The following UBE3B variants were observed in gnomAD, a reference collection of about 807,000 sequenced individuals.
UBE3B encodes the protein ubiquitin protein ligase E3B, also known as ubiquitin-protein ligase E3B.
UBE3B carries 80 observed loss-of-function variants against 132.3 expected under a neutral mutation model. That is an observed-to-expected ratio of 0.60 (90% CI 0.50 to 0.73). The LOEUF (loss-of-function observed/expected upper bound fraction) is 0.73, where lower values mean the gene tolerates loss of function less well. UBE3B is among the 30% of genes least tolerant of loss of function. The pLI is 0.00. For synonymous variants in UBE3B, 487 were observed against 520.4 expected (o/e 0.94, Z 0.87); for missense variants, 1,196 against 1,362.5 (o/e 0.88, Z 1.92).
chr12:109,507,468 A>T (rs745325113), intron 14 of UBE3B, 96 bp from the exon 15 acceptor site: 4 of 1,320,642 alleles, frequency 3.0e-6, no homozygotes, highest in Non-Finnish European at 4.2e-6. Flanking sequence ...ATGTTCATGG[A>T]TAGGTTTAAG....
chr12:109,515,744 T>C (rs1880959190), intron 18 of UBE3B, among the ~76,000 whole-genome samples: 1 of 152,160 alleles, frequency 6.6e-6, no homozygotes, highest in South Asian at 2.1e-4. Context: ...ACAGCTGTGG[T>C]TAGATTTATG....
intron 13 of UBE3B, among the ~76,000 whole-genome samples, chr12:109,501,744 G>A (rs1879022617): frequency 6.6e-6 from 1 of 152,142 alleles, no homozygotes; most frequent in Non-Finnish European, 1.5e-5. Flanking sequence ...CTAACTCCTA[G>A]GCTCAGGTGA....
chr12:109,517,875 C>T (rs1347254068), intron 19 of UBE3B: 1 of 405,820 alleles, frequency 2.5e-6, no homozygotes, highest in Non-Finnish European at 5.1e-6. Flanking sequence ...TCATTTTCTC[C>T]CTCGGTGCAT....
intron 1 of UBE3B, among the ~76,000 whole-genome samples, chr12:109,481,313 CAAA>C (rs34653918): frequency 8.2e-6 from 1 of 122,178 alleles, no homozygotes. Flanking sequence ...GAGACTATCT[CAAA>C]AAAAAAAAAA....
chr12:109,480,234 A>G (rs1401895820), intron 1 of UBE3B, among the ~76,000 whole-genome samples: 1 of 151,568 alleles, frequency 6.6e-6, no homozygotes, highest in Non-Finnish European at 1.5e-5. Flanking sequence ...ATAATACACC[A>G]GTTAGACTTC....
chr12:109,546,872 G>C, the UBE3B span, among the ~76,000 whole-genome samples: 2 of 152,066 alleles, frequency 1.3e-5, no homozygotes, highest in African/African-American at 4.8e-5. Flanking sequence ...ACCACACCTG[G>C]CTAATTTTTG....
intron 10 of UBE3B, 95 bp from the exon 11 acceptor site, chr12:109,498,138 C>T: frequency 6.5e-7 from 1 of 1,547,192 alleles, no homozygotes; most frequent in Non-Finnish European, 8.8e-7. Flanking sequence ...AGCACATCCT[C>T]CATAACCACG....
At position 109,534,525 on chromosome 12, in the gene UBE3B, C is replaced by T. The variant is rs878874418; in HGVS notation, c.3016-66C>T. The T allele has an allele frequency of 2.4e-5, 37 of 1,539,064 alleles. No individual in the cohort carries two copies. Among genetic ancestry groups the T allele is most frequent in the Admixed American group, 2.0e-4 (10 of 50,556 alleles). On this transcript the variant is annotated intron_variant, in intron 27 of 27. Coordinates refer to ENST00000342494, the MANE Select transcript of UBE3B (RefSeq NM_130466.4). The surrounding 1 kb of genome is among the most constrained non-coding windows in gnomAD (Gnocchi z 5.2). ...AGATCCCCTCCCTGGGCTCCCTGGC[C>T]TTGGCATCAGCCTGGGCTCCCAAAC...
At position 109,521,993 on chromosome 12, in the gene UBE3B, T is replaced by C. The variant is rs1470763852; in HGVS notation, c.2364+442T>C. ...GAGGGCAGCATTTTGTGGAGTTTGATAGTTTTAAAATCTTGTGTTGTTTGA... is the reference window on the plus strand; with the variant it reads ...GAGGGCAGCATTTTGTGGAGTTTGACAGTTTTAAAATCTTGTGTTGTTTGA... On this transcript the variant is annotated intron_variant, in intron 21 of 27. Coordinates refer to ENST00000342494, the MANE Select transcript of UBE3B (RefSeq NM_130466.4). The surrounding 1 kb of genome is among the most constrained non-coding windows in gnomAD (Gnocchi z 4.2). 6.6e-6 allele frequency among the ~76,000 whole-genome samples: 1 copy of C among 152,216 alleles called. No individual in the cohort carries two copies. Among genetic ancestry groups the C allele is most frequent in the East Asian group, 1.9e-4 (1 of 5,196 alleles).
chr12:109,485,401 C>T (rs1441350967), intron 4 of UBE3B, among the ~76,000 whole-genome samples: 1 of 152,180 alleles, frequency 6.6e-6, no homozygotes, highest in African/African-American at 2.4e-5. Context: ...CACATGATTA[C>T]GTAGATGAGG....
intron 27 of UBE3B, chr12:109,533,866 C>T (rs1272139009): frequency 1.6e-6 from 2 of 1,282,044 alleles, no homozygotes; most frequent in Non-Finnish European, 2.1e-6. Context: ...GGCTCCAGAT[C>T]TGAGGCAGCA....
chr12:109,498,123 T>C (rs1407145362), intron 10 of UBE3B, 110 bp from the exon 11 acceptor site: 1 of 1,499,588 alleles, frequency 6.7e-7, no homozygotes, highest in African/African-American at 1.4e-5. Context: ...TTCTTGGTGT[T>C]TGCTAGCACA....
Position 109,488,491 on chromosome 12 carries a change from T to C in UBE3B, c.448-81T>C, listed in dbSNP as rs57284418. 8,162 of 1,265,012 alleles carry C rather than the reference T, an allele frequency of 6.5e-3. 384 individuals are homozygous for C. The Admixed American group carries it at 0.079, about 12-fold the overall frequency. 78.4% of individuals were successfully genotyped at this position (1,265,012 alleles called of 1,614,324 possible). ...TCAGTGATTCCAGGCTGAGTGCCCA[T>C]AGAGCAGTTGTAAAGTGAACACTTC... On this transcript the variant is annotated intron_variant, in intron 6 of 27. Transcript: ENST00000342494.
At chr12:109,523,325 A>G (rs1159882313) in intron 21 of UBE3B, among the ~76,000 whole-genome samples, 1 of 152,024 alleles carries the variant, frequency 6.6e-6, no homozygotes, top group East Asian at 1.9e-4. Context: ...CCCATTCCCC[A>G]CATAAAAGTG....
Position 109,491,130 on chromosome 12 carries a change from G to A in UBE3B, c.713+3G>A, listed in dbSNP as rs1442466487. 1 of 1,613,684 alleles carries A rather than the reference G, an allele frequency of 6.2e-7. No individual in the cohort carries two copies. The highest frequency in any genetic ancestry group is 1.3e-5 in the African/African-American group (1 of 75,014). On this transcript the variant is annotated splice_donor_region_variant and intron_variant, in intron 9 of 27. Coordinates refer to ENST00000342494, the MANE Select transcript of UBE3B (RefSeq NM_130466.4). ...GCAGCTTTTTCTCTAGCGTTACGGT[G>A]AGTAAGAAACCATAGCTGAGGTGTT...
At position 109,524,512 on chromosome 12, in the gene UBE3B, G is replaced by A. The variant is rs370136647; in HGVS notation, c.2568+9G>A. ...AGGACGTCATGGGTCAGGTAGGTCC[G>A]CCCTTTGGCTGAGCTCCCTTTCCAC... On this transcript the variant is annotated intron_variant, in intron 23 of 27. Transcript: ENST00000342494. 39 of 1,613,602 alleles carry A rather than the reference G, an allele frequency of 2.4e-5. No individual in the cohort carries two copies. Among genetic ancestry groups the A allele is most frequent in the African/African-American group, 2.0e-4 (15 of 75,046 alleles).
intron 11 of UBE3B, among the ~76,000 whole-genome samples, chr12:109,499,253 T>C (rs1367027221): frequency 6.6e-6 from 1 of 152,208 alleles, no homozygotes; most frequent in Non-Finnish European, 1.5e-5. Flanking sequence ...CCCTTGATTT[T>C]TAAGCATTAA....
rs147097299 is a variant in UBE3B, at chr12:109,536,024, C to G, written c.*1242C>G. On this transcript the variant is annotated 3_prime_UTR_variant, in exon 28 of 28. Transcript: ENST00000342494. ...ATTCGAAGCCAGGAAGGCCCAGTCC[C>G]TCCTCTGCTCTCCTCAAAGACGCAA... 6.6e-6 allele frequency: 1 copy of G among 152,232 alleles called. No individual in the cohort carries two copies. Among genetic ancestry groups the G allele is most frequent in the African/African-American group, 2.4e-5 (1 of 41,418 alleles). 9.4% of individuals were successfully genotyped at this position (152,232 alleles called of 1,614,324 possible). A position where few individuals can be genotyped will look rare whatever the true frequency, so the allele number is the denominator to read the frequency against.
chr12:109,523,037 G>A (rs1278467584), intron 21 of UBE3B, among the ~76,000 whole-genome samples: 1 of 152,150 alleles, frequency 6.6e-6, no homozygotes, highest in African/African-American at 2.4e-5. Context: ...TCGCCTCTGT[G>A]TCCTTTCCCT....
Sources: allele counts gnomAD v4.1 joint callset (sites outside exome capture counted in the v4.1 genomes callset), GRCh38; gene constraint gnomAD v4.1.1; non-coding constraint Gnocchi (gnomAD v3.1); transcripts MANE v1.5; gene names NCBI Gene and HGNC (gene_info 2026-07-23, HGNC 2026-07-21).